Variants in GK observed in about 807,000 individuals in gnomAD.
GK encodes glycerol kinase, also known as ATP:glycerol 3-phosphotransferase.
GK carries 9 observed loss-of-function variants against 56.4 expected under a neutral mutation model. That is an observed-to-expected ratio of 0.16 (90% CI 0.10 to 0.28). The LOEUF is 0.28. Among genes scored for constraint, GK ranks in the 10% least tolerant of loss-of-function variants. The pLI is 1.00. For missense variants in GK, 161 were observed against 431.4 expected (o/e 0.37, Z 5.55); for synonymous variants, 104 against 144.1 (o/e 0.72, Z 1.99).
intron 1 of GK, among the ~76,000 whole-genome samples, chrX:30,656,356 A>G (rs1276882042): frequency 1.8e-5 from 2 of 112,444 alleles, no homozygotes; most frequent in Admixed American, 1.9e-4. Context: ...ATTTCCTATT[A>G]TTCATTAAAT....
intron 1 of GK, among the ~76,000 whole-genome samples, chrX:30,658,551 C>T (rs924019457): frequency 5.3e-5 from 6 of 112,581 alleles, no homozygotes; most frequent in Non-Finnish European, 1.1e-4. Context: ...ATCCTGACCT[C>T]ATGATCCGCC....
At chrX:30,720,180 A>G in intron 16 of GK, 85 bp downstream of exon 16, 1 of 596,145 alleles carries the variant, frequency 1.7e-6, no homozygotes, top group Middle Eastern at 3.1e-4. Context: ...TTTATTCAGT[A>G]CTGAAAATGT....
chrX:30,693,070 G>T (rs1164227782), intron 5 of GK, among the ~76,000 whole-genome samples: 2 of 92,039 alleles, frequency 2.2e-5, no homozygotes, highest in Non-Finnish European at 4.2e-5. Flanking sequence ...AGGCTGGAGT[G>T]CAGTGGCGTC....
At chrX:30,701,148 G>A (rs750381250) in intron 11 of GK, among the ~76,000 whole-genome samples, 10 of 112,264 alleles carry the variant, frequency 8.9e-5, no homozygotes, top group Admixed American at 8.5e-4. Flanking sequence ...GGTGGCTCAC[G>A]CCTGTAATCC....
intron 13 of GK, among the ~76,000 whole-genome samples, chrX:30,713,311 T>A (rs909413409): frequency 8.9e-6 from 1 of 111,748 alleles, no homozygotes; most frequent in Non-Finnish European, 1.9e-5. Flanking sequence ...GAAAAATAAA[T>A]CAGAAGCCAT....
intron 13 of GK, among the ~76,000 whole-genome samples, chrX:30,708,765 A>G (rs1415623552): frequency 8.9e-6 from 1 of 112,097 alleles, no homozygotes; most frequent in Non-Finnish European, 1.9e-5. Flanking sequence ...AAAATTAGAT[A>G]CATTTCTTAT....
At chrX:30,700,120 T>G in intron 9 of GK, 1 of 260,060 alleles carries the variant, frequency 3.8e-6, no homozygotes, top group Non-Finnish European at 6.8e-6. Flanking sequence ...TATTGAGAGG[T>G]TTCAACAGCC....
intron 4 of GK, chrX:30,678,108 A>C (rs762082362): frequency 2.0e-6 from 1 of 504,116 alleles, no homozygotes; most frequent in South Asian, 2.7e-5. Context: ...ACGTGTGTTC[A>C]CAGTCATTTT....
intron 4 of GK, among the ~76,000 whole-genome samples, chrX:30,678,785 C>T (rs1421457050): frequency 9.9e-6 from 1 of 101,313 alleles, no homozygotes; most frequent in Admixed American, 1.1e-4. Flanking sequence ...CTCCTGGGTT[C>T]AAGCGATTCT....
intron 1 of GK, among the ~76,000 whole-genome samples, chrX:30,664,190 T>G (rs1270348397): frequency 1.4e-4 from 13 of 95,713 alleles, no homozygotes; most frequent in South Asian, 4.4e-4. Flanking sequence ...ATCTTATATA[T>G]ATATATAGAT....
chrX:30,711,843 C>CT (rs1347305913), intron 13 of GK, among the ~76,000 whole-genome samples: 1 of 111,847 alleles, frequency 8.9e-6, no homozygotes, highest in Admixed American at 9.5e-5. Flanking sequence ...CCAAGAACCT[C>CT]TATTTGCCCC....
intron 1 of GK, among the ~76,000 whole-genome samples, chrX:30,664,112 TATATTTTATATAG>T (rs1201831674): frequency 1.2e-4 from 6 of 48,249 alleles, no homozygotes; most frequent in African/African-American, 4.5e-4. Context: ...TTTATAGATA[TATATTTTATATAG>T]ATCTATATAT....
chrX:30,697,009 G>A (rs965362764), intron 8 of GK, among the ~76,000 whole-genome samples: 1 of 112,699 alleles, frequency 8.9e-6, no homozygotes, highest in African/African-American at 3.2e-5. Flanking sequence ...TAATTTAGCG[G>A]AGAGACTCTG....
chrX:30,664,007 A>G, intron 1 of GK, among the ~76,000 whole-genome samples: 1 of 93,161 alleles, frequency 1.1e-5, no homozygotes, highest in East Asian at 3.0e-4. Flanking sequence ...ATAGATATAT[A>G]TTTTATATAT....
intron 19 of GK, 109 bp from the exon 20 acceptor site, chrX:30,727,357 A>G: frequency 2.0e-6 from 1 of 509,812 alleles, no homozygotes; most frequent in Non-Finnish European, 3.5e-6. Context: ...TACTATTTTT[A>G]TAGCTTATTT....
intron 19 of GK, 87 bp downstream of exon 19, chrX:30,724,268 C>A: frequency 3.4e-6 from 2 of 583,755 alleles, no homozygotes; most frequent in Non-Finnish European, 5.8e-6. Flanking sequence ...CATAGCCAGG[C>A]TGCTCTGAAG....
intron 4 of GK, among the ~76,000 whole-genome samples, chrX:30,688,395 A>G (rs1444123964): frequency 9.3e-6 from 1 of 107,813 alleles, no homozygotes; most frequent in African/African-American, 3.4e-5. Flanking sequence ...TTTAAAGAAT[A>G]TGCTCTTGAA....
At chrX:30,722,918 G>A (rs1936972532) in intron 18 of GK, among the ~76,000 whole-genome samples, 3 of 111,099 alleles carry the variant, frequency 2.7e-5, no homozygotes, top group Admixed American at 1.9e-4. Flanking sequence ...GCCCCACATG[G>A]GGTTCAGCAC....
At chrX:30,696,226 G>A (rs1382630390) in intron 7 of GK, 75 bp downstream of exon 7, 3 of 596,476 alleles carry the variant, frequency 5.0e-6, no homozygotes, top group Non-Finnish European at 8.5e-6. Flanking sequence ...AATATTTTCA[G>A]ATGTCAGTGG....
Sources: allele counts gnomAD v4.1 joint callset (sites outside exome capture counted in the v4.1 genomes callset), GRCh38; gene constraint gnomAD v4.1.1; transcripts MANE v1.5; gene names NCBI Gene and HGNC (gene_info 2026-07-23, HGNC 2026-07-21).